HS3ST2: variants seen among roughly 807,000 people sequenced by gnomAD.
The protein encoded by HS3ST2 is heparan sulfate-glucosamine 3-sulfotransferase 2.
HS3ST2 carries 17 observed loss-of-function variants against 26.3 expected under a neutral mutation model. That is an observed-to-expected ratio of 0.65 (90% CI 0.44 to 0.97). HS3ST2 has a LOEUF of 0.97. Among genes scored for constraint, HS3ST2 ranks in the 50% least tolerant of loss-of-function variants. The pLI is 0.00. For missense variants in HS3ST2, 402 were observed against 501.2 expected (o/e 0.80, Z 1.89); for synonymous variants, 237 against 219.2 (o/e 1.08, Z -0.72).
intron 1 of HS3ST2, among the ~76,000 whole-genome samples, chr16:22,868,973 G>A (rs994771401): frequency 6.6e-6 from 1 of 152,018 alleles, no homozygotes; most frequent in Admixed American, 6.6e-5. Context: ...GGAATCACGT[G>A]TAAATGCTGT....
At chr16:22,913,248 G>A (rs908900675) in intron 1 of HS3ST2, among the ~76,000 whole-genome samples, 1 of 151,704 alleles carries the variant, frequency 6.6e-6, no homozygotes, top group Non-Finnish European at 1.5e-5. Flanking sequence ...AAAAATGCAC[G>A]TAAGGGTCAA....
At chr16:22,851,620 T>C (rs1223256561) in intron 1 of HS3ST2, among the ~76,000 whole-genome samples, 1 of 152,242 alleles carries the variant, frequency 6.6e-6, no homozygotes, top group African/African-American at 2.4e-5. Flanking sequence ...TCCTGATTCC[T>C]GGGAGTTTCC....
chr16:22,899,061 A>G (rs1259737813), intron 1 of HS3ST2, among the ~76,000 whole-genome samples: 1 of 152,186 alleles, frequency 6.6e-6, no homozygotes, highest in Non-Finnish European at 1.5e-5. Context: ...TCCCTGCAAA[A>G]CCATTAATAC....
chr16:22,894,382 G>A (rs1383423918), intron 1 of HS3ST2, among the ~76,000 whole-genome samples: 1 of 152,192 alleles, frequency 6.6e-6, no homozygotes, highest in East Asian at 1.9e-4. Flanking sequence ...TGGGTAGGGG[G>A]AAGGCTCTGT....
In HS3ST2 at chr16:22,915,356, G is replaced by A. The variant is rs1902480050; in HGVS notation, c.898G>A (p.Asp300Asn). The change falls in exon 2 of 2, where the codon GAC becomes AAC. Residue 300 changes from aspartate (D) to asparagine (N), a missense_variant. Physicochemically the swap from Asp to Asn is conservative, Grantham distance 23. Around this residue, in one of 2 missense-constraint regions of HS3ST2, gnomAD observed 237 missense variants for 346.6 expected, o/e 0.68. Transcript: ENST00000261374. ...DFLGIKRFIT[D>N]KHFYFNKTKG... ...CCTGGGCATTAAGAGATTCATCACG[G>A]ACAAGCACTTCTATTTCAACAAGAC... 1 of 1,613,920 alleles carries A rather than the reference G, an allele frequency of 6.2e-7. No homozygotes were observed. Among genetic ancestry groups the A allele is most frequent in the South Asian group, 1.1e-5 (1 of 91,068 alleles).
At chr16:22,848,188 G>A (rs575230710) in intron 1 of HS3ST2, among the ~76,000 whole-genome samples, 70 of 152,250 alleles carry the variant, frequency 4.6e-4, no homozygotes, top group Middle Eastern at 3.4e-3. Context: ...GGATTTTGGC[G>A]TCAAAGGAGC....
At chr16:22,848,724 T>C (rs1239598626) in intron 1 of HS3ST2, among the ~76,000 whole-genome samples, 8 of 152,226 alleles carry the variant, frequency 5.3e-5, no homozygotes, top group African/African-American at 9.6e-5. Flanking sequence ...GTGCTCTACG[T>C]ATTCAAGTTG....
chr16:22,819,781 G>A lies in HS3ST2; in HGVS notation c.485+4686G>A, dbSNP rs147125796. On this transcript the variant is annotated intron_variant, in intron 1 of 1. Transcript: ENST00000261374. Reference sequence around the variant, plus strand: ...GCCCCAGAGGCAACAGTCTAAGTACGAAAGAGAATAAAAAGCCCAGAATAA... The same window carrying A: ...GCCCCAGAGGCAACAGTCTAAGTACAAAAGAGAATAAAAAGCCCAGAATAA... Among the ~76,000 whole-genome samples, 457 of 152,256 alleles carry A rather than the reference G, an allele frequency of 3.0e-3. 1 individual carries two copies. Among genetic ancestry groups the A allele is most frequent in the African/African-American group, 0.01 (432 of 41,558 alleles).
intron 1 of HS3ST2, among the ~76,000 whole-genome samples, chr16:22,905,509 G>A (rs1045111937): frequency 1.3e-5 from 2 of 151,648 alleles, no homozygotes; most frequent in South Asian, 4.2e-4. Flanking sequence ...GACTTTTATA[G>A]CATGAGAAAG....
intron 1 of HS3ST2, among the ~76,000 whole-genome samples, chr16:22,834,112 G>C (rs1243816850): frequency 3.9e-5 from 6 of 152,100 alleles, no homozygotes. Flanking sequence ...GGAAAAGCAG[G>C]GATAGGAGAG....
chr16:22,817,051 A>T (rs1220058594), intron 1 of HS3ST2, among the ~76,000 whole-genome samples: 1 of 152,038 alleles, frequency 6.6e-6, no homozygotes, highest in Non-Finnish European at 1.5e-5. Context: ...TAACCTTGGC[A>T]TGTGTGATTC....
At chr16:22,843,834 G>C (rs1901394097) in intron 1 of HS3ST2, among the ~76,000 whole-genome samples, 1 of 152,096 alleles carries the variant, frequency 6.6e-6, no homozygotes, top group Admixed American at 6.6e-5. Flanking sequence ...CTCTGGGGAG[G>C]GTCTGAAGAC....
intron 1 of HS3ST2, 120 bp downstream of exon 1, chr16:22,815,215 C>T (rs1900846220): frequency 7.7e-7 from 1 of 1,293,152 alleles, no homozygotes; most frequent in Non-Finnish European, 1.1e-6. Context: ...TTCAGGCTGA[C>T]ACACAGGGCC....
intron 1 of HS3ST2, among the ~76,000 whole-genome samples, chr16:22,854,283 A>AGTATTTAT (rs1255870916): frequency 3.3e-5 from 5 of 152,080 alleles, no homozygotes; most frequent in Non-Finnish European, 5.9e-5. Flanking sequence ...CTTTTCCCTG[A>AGTATTTAT]GTATTTATAG....
chr16:22,898,318 A>G (rs1334971501), intron 1 of HS3ST2, among the ~76,000 whole-genome samples: 1 of 152,136 alleles, frequency 6.6e-6, no homozygotes, highest in Non-Finnish European at 1.5e-5. Context: ...AAACCACTTC[A>G]GAGAGTGACA....
intron 1 of HS3ST2, among the ~76,000 whole-genome samples, chr16:22,875,544 C>A (rs1319660494): frequency 6.6e-6 from 1 of 152,088 alleles, no homozygotes; most frequent in Admixed American, 6.5e-5. Context: ...CCACACCTAG[C>A]TAATTTTTTT....
chr16:22,902,248 G>A (rs1184139345), intron 1 of HS3ST2, among the ~76,000 whole-genome samples: 4 of 152,114 alleles, frequency 2.6e-5, no homozygotes, highest in African/African-American at 9.7e-5. Context: ...CTATCATATG[G>A]CCTCACTGTG....
At chr16:22,846,572 A>G (rs1901435928) in intron 1 of HS3ST2, among the ~76,000 whole-genome samples, 1 of 152,188 alleles carries the variant, frequency 6.6e-6, no homozygotes, top group African/African-American at 2.4e-5. Flanking sequence ...CATTAAAATT[A>G]CCACCATTTG....
At chr16:22,870,861 C>A (rs1901827249) in intron 1 of HS3ST2, among the ~76,000 whole-genome samples, 1 of 152,128 alleles carries the variant, frequency 6.6e-6, no homozygotes, top group South Asian at 2.1e-4. Flanking sequence ...GACTTATAAC[C>A]ACCTAATGTG....
Sources: gnomAD v4.1 joint callset for allele counts (sites outside exome capture counted in the v4.1 genomes callset) on GRCh38, gnomAD v4.1.1 for gene constraint, gnomAD v4.1.1 regional missense constraint, MANE v1.5 for transcripts, NCBI Gene and HGNC (gene_info 2026-07-23, HGNC 2026-07-21) for gene names.